The following NTM variants were observed in gnomAD, a reference collection of about 807,000 sequenced individuals.
NTM encodes IgLON family member 2.
NTM carries 13 observed loss-of-function variants against 42.1 expected under a neutral mutation model. That is an observed-to-expected ratio of 0.31 (90% CI 0.20 to 0.49). NTM has a LOEUF of 0.49. Ranked by LOEUF, NTM falls within the 20% of genes least tolerant of loss-of-function variation. The pLI is 0.99. For missense variants in NTM, 373 were observed against 452.8 expected (o/e 0.82, Z 1.60); for synonymous variants, 187 against 179.2 (o/e 1.04, Z -0.35).
rs535320884 is a variant in NTM, at chr11:132,068,689, G to C, written c.168-77593G>C. ...GGGTTAAACCAGAGACACAGAACTA[G>C]TAAGAGACATCAAAAGGGGTGCATT... On this transcript the variant is annotated intron_variant, in intron 2 of 8. Coordinates refer to ENST00000683400, the MANE Select transcript of NTM (RefSeq NM_001352005.2). Among the ~76,000 whole-genome samples, 8 of 152,352 alleles carry C rather than the reference G, an allele frequency of 5.3e-5. No individual in the cohort carries two copies. In the East Asian group the frequency reaches 1.3e-3, roughly 26 times the overall value.
Position 131,899,032 on chromosome 11 carries a change from T to C in NTM, c.83-12532T>C, listed in dbSNP as rs79629597. 9.4e-3 allele frequency among the ~76,000 whole-genome samples: 1,427 copies of C among 152,194 alleles called. 25 individuals are homozygous for C. The highest frequency in any genetic ancestry group is 0.032 in the African/African-American group (1,342 of 41,512). Reference sequence around the variant, plus strand: ...AAATGTAGGCTGACACGGGGATGCATTGAGGTGGCTAGAAAGAGCTAAGAC... The same window carrying C: ...AAATGTAGGCTGACACGGGGATGCACTGAGGTGGCTAGAAAGAGCTAAGAC... On this transcript the variant is annotated intron_variant, in intron 1 of 8. Transcript: ENST00000683400.
At chr11:131,749,658 G>T (rs1388487819) in intron 1 of NTM, among the ~76,000 whole-genome samples, 2 of 152,128 alleles carry the variant, frequency 1.3e-5, no homozygotes, top group African/African-American at 4.8e-5. Flanking sequence ...GAGTGCAATG[G>T]CATGGTCTCA....
chr11:131,809,721 T>A (rs972567748), intron 1 of NTM, among the ~76,000 whole-genome samples: 1 of 152,232 alleles, frequency 6.6e-6, no homozygotes, highest in East Asian at 1.9e-4. Flanking sequence ...CAACCAGCAA[T>A]TTCTGCTAAC....
chr11:131,468,303 C>T (rs902069794), intron 1 of NTM, among the ~76,000 whole-genome samples: 5 of 152,202 alleles, frequency 3.3e-5, no homozygotes, highest in East Asian at 3.8e-4. Flanking sequence ...GACGTGATTC[C>T]GCATGCAGCC....
rs370113749 is a variant in NTM at position 131,780,290 on chromosome 11, A to T, written c.83-131274A>T. On this transcript the variant is annotated intron_variant, in intron 1 of 8. Coordinates refer to ENST00000683400, the MANE Select transcript of NTM (RefSeq NM_001352005.2). ...CAGGTGCAGAGAGGAGTGCATAAGG[A>T]AGTCAGATCTTCATGAGGCAGATCA... Among the ~76,000 whole-genome samples, 3 of 152,114 alleles carry T rather than the reference A, an allele frequency of 2.0e-5. No individual in the cohort carries two copies. The East Asian group carries it at 5.8e-4, about 29-fold the overall frequency.
intron 2 of NTM, among the ~76,000 whole-genome samples, chr11:132,138,778 T>G (rs2068500882): frequency 6.6e-6 from 1 of 152,126 alleles, no homozygotes; most frequent in Admixed American, 6.5e-5. Flanking sequence ...CTCCACTCTT[T>G]CATTCTGTCC....
At chr11:131,761,137 C>T (rs1279486570) in intron 1 of NTM, among the ~76,000 whole-genome samples, 2 of 152,072 alleles carry the variant, frequency 1.3e-5, no homozygotes, top group Non-Finnish European at 2.9e-5. Flanking sequence ...ATCAGAGACG[C>T]CGTGAAAGTG....
chr11:132,061,909 A>G (rs1018662307), intron 2 of NTM, among the ~76,000 whole-genome samples: 14 of 152,116 alleles, frequency 9.2e-5, no homozygotes, highest in Admixed American at 6.6e-4. Flanking sequence ...GTGTGTGGGC[A>G]CTTAGGAACA....
intron 2 of NTM, among the ~76,000 whole-genome samples, chr11:132,081,204 G>C (rs2058992204): frequency 6.6e-6 from 1 of 152,220 alleles, no homozygotes; most frequent in African/African-American, 2.4e-5. Context: ...GAAATGGTGA[G>C]ACTTGGAAAT....
chr11:131,740,995 T>C (rs2081109624), intron 1 of NTM, among the ~76,000 whole-genome samples: 1 of 152,074 alleles, frequency 6.6e-6, no homozygotes, highest in Non-Finnish European at 1.5e-5. Context: ...TAAAACCCCG[T>C]CTCTGCTAAA....
At chr11:132,260,163 C>G (rs1266752757) in intron 4 of NTM, among the ~76,000 whole-genome samples, 3 of 152,042 alleles carry the variant, frequency 2.0e-5, no homozygotes, top group South Asian at 2.1e-4. Flanking sequence ...GCACCAAACT[C>G]AAAGCTAAAA....
At chr11:131,927,635 A>G (rs1368755263) in intron 2 of NTM, among the ~76,000 whole-genome samples, 2 of 152,188 alleles carry the variant, frequency 1.3e-5, no homozygotes, top group East Asian at 1.9e-4. Flanking sequence ...CTTTCAAAAT[A>G]CTATTCACAA....
chr11:132,264,434 A>T (rs902834161), intron 4 of NTM, among the ~76,000 whole-genome samples: 2 of 152,228 alleles, frequency 1.3e-5, no homozygotes, highest in African/African-American at 2.4e-5. Context: ...AAGGGTGCAG[A>T]TATCCCTCCC....
At chr11:131,500,947 T>C (rs432042) in intron 1 of NTM, among the ~76,000 whole-genome samples, 73,251 of 151,110 alleles carry the variant, frequency 0.48, 18,196 homozygotes, top group African/African-American at 0.58. Flanking sequence ...CATAGTATTC[T>C]ATGGTGTATA....
chr11:131,953,829 G>C (rs1327845259), intron 2 of NTM, among the ~76,000 whole-genome samples: 1 of 152,206 alleles, frequency 6.6e-6, no homozygotes, highest in Non-Finnish European at 1.5e-5. Flanking sequence ...AAAGTGATCA[G>C]AGGTGAGAAA....
intron 1 of NTM, among the ~76,000 whole-genome samples, chr11:131,401,226 T>G (rs1303957344): frequency 6.6e-6 from 1 of 152,024 alleles, no homozygotes; most frequent in Non-Finnish European, 1.5e-5. Context: ...AAGAATACAC[T>G]CTCAGGTCAT....
At chr11:132,260,521 A>G (rs1186612986) in intron 4 of NTM, among the ~76,000 whole-genome samples, 1 of 152,240 alleles carries the variant, frequency 6.6e-6, no homozygotes, top group Non-Finnish European at 1.5e-5. Flanking sequence ...TAGAAGTAAG[A>G]GAAACCAAAA....
At chr11:131,968,457 A>G (rs550270593) in intron 2 of NTM, among the ~76,000 whole-genome samples, 1 of 152,294 alleles carries the variant, frequency 6.6e-6, no homozygotes, top group South Asian at 2.1e-4. Flanking sequence ...AAGGTTAAAG[A>G]GTGGCAGGTG....
intron 2 of NTM, among the ~76,000 whole-genome samples, chr11:132,037,548 G>A (rs1028347429): frequency 6.6e-6 from 1 of 152,296 alleles, no homozygotes; most frequent in African/African-American, 2.4e-5. Flanking sequence ...CCTGCGAGAA[G>A]AGTCAGAAAG....
Sources: allele counts gnomAD v4.1 joint callset (sites outside exome capture counted in the v4.1 genomes callset), GRCh38; gene constraint gnomAD v4.1.1; transcripts MANE v1.5; gene names NCBI Gene and HGNC (gene_info 2026-07-23, HGNC 2026-07-21).